Variants in JAZF1 observed in about 807,000 individuals in gnomAD.
The protein encoded by JAZF1 is JAZF zinc finger 1.
A neutral mutation model predicts 26.4 loss-of-function variants in JAZF1; 8 were observed. The observed-to-expected ratio is 0.30, with a 90% CI of 0.18 to 0.55. The LOEUF (loss-of-function observed/expected upper bound fraction) is 0.55. Ranked by LOEUF, JAZF1 falls within the 20% of genes least tolerant of loss-of-function variation. JAZF1 has a pLI of 0.94. For missense variants in JAZF1, 199 were observed against 322.0 expected (o/e 0.62, Z 2.92); for synonymous variants, 126 against 122.3 (o/e 1.03, Z -0.20).
chr7:28,082,883 A>T (rs184718403), intron 1 of JAZF1, among the ~76,000 whole-genome samples: 49 of 152,264 alleles, frequency 3.2e-4, no homozygotes, highest in South Asian at 6.2e-4. Flanking sequence ...GCTGACCTGG[A>T]CACCTCATTC....
At chr7:27,991,203 A>G (rs1389956944) in intron 2 of JAZF1, among the ~76,000 whole-genome samples, 3 of 152,172 alleles carry the variant, frequency 2.0e-5, no homozygotes, top group African/African-American at 7.2e-5. Context: ...TTATGAGCAG[A>G]GAGTTTCTCA....
chr7:27,895,901 T>G (rs983106459), intron 2 of JAZF1, among the ~76,000 whole-genome samples: 8 of 152,188 alleles, frequency 5.3e-5, no homozygotes, highest in African/African-American at 1.9e-4. Flanking sequence ...TTAAATTTTT[T>G]GGTATTACTT....
At chr7:28,080,071 T>A (rs746160324) in intron 1 of JAZF1, among the ~76,000 whole-genome samples, 1 of 152,266 alleles carries the variant, frequency 6.6e-6, no homozygotes, top group African/African-American at 2.4e-5. Context: ...AAAAATACTT[T>A]GTAAAAATGC....
chr7:28,155,533 G>C (rs1783169583), intron 1 of JAZF1, among the ~76,000 whole-genome samples: 1 of 152,184 alleles, frequency 6.6e-6, no homozygotes, highest in Admixed American at 6.5e-5. Flanking sequence ...GAAATTCAGA[G>C]GGGAAATGAG....
chr7:28,128,764 A>G (rs964982712), intron 1 of JAZF1, among the ~76,000 whole-genome samples: 5 of 152,200 alleles, frequency 3.3e-5, no homozygotes, highest in Admixed American at 1.3e-4. Context: ...AATTATTTCA[A>G]TCAACAGGAA....
intron 1 of JAZF1, among the ~76,000 whole-genome samples, chr7:28,071,919 G>A (rs1417575962): frequency 6.6e-6 from 1 of 152,152 alleles, no homozygotes; most frequent in Admixed American, 6.5e-5. Flanking sequence ...CAATACAAAA[G>A]AGCTCATTTT....
intron 1 of JAZF1, among the ~76,000 whole-genome samples, chr7:28,112,385 T>A (rs1784674924): frequency 6.6e-6 from 1 of 152,246 alleles, no homozygotes; most frequent in South Asian, 2.1e-4. Context: ...CATTTTCTTT[T>A]TATTTTGAAT....
intron 1 of JAZF1, among the ~76,000 whole-genome samples, chr7:28,039,526 G>A (rs1783354074): frequency 6.6e-6 from 1 of 152,122 alleles, no homozygotes; most frequent in Admixed American, 6.5e-5. Flanking sequence ...CTGACTTACT[G>A]AGATATATGA....
chr7:28,027,461 A>G (rs1013536233), intron 1 of JAZF1, among the ~76,000 whole-genome samples: 4 of 152,206 alleles, frequency 2.6e-5, no homozygotes, highest in Admixed American at 2.0e-4. Flanking sequence ...CAAAATAAAG[A>G]GTTACCATTG....
At chr7:27,921,774 G>A (rs578152618) in intron 2 of JAZF1, among the ~76,000 whole-genome samples, 3 of 152,318 alleles carry the variant, frequency 2.0e-5, no homozygotes, top group East Asian at 3.9e-4. Context: ...GCTCAAGCCT[G>A]CAATCCCAGT....
rs148347331 is a variant in JAZF1 at position 28,014,037 on chromosome 7, C to T, written c.116-22056G>A. ...AACCCATGGCTGCTAGTTAAATCAA[C>T]TGAGGCAGTGGATTCTACAGCTGTA... On this transcript the variant is annotated intron_variant, in intron 1 of 4. Transcript: ENST00000283928. 2.1e-5 allele frequency among the ~76,000 whole-genome samples: 3 copies of T among 144,808 alleles called. No individual in the cohort carries two copies. The East Asian group carries it at 6.2e-4, about 30-fold the overall frequency. The allele number at this position is 144,808 out of a possible 152,430, so 95.0% of individuals were successfully genotyped here.
At chr7:27,953,917 G>A (rs1232257066) in intron 2 of JAZF1, among the ~76,000 whole-genome samples, 2 of 152,182 alleles carry the variant, frequency 1.3e-5, no homozygotes, top group African/African-American at 4.8e-5. Flanking sequence ...CACAGTGACA[G>A]TATTCACACT....
chr7:27,964,257 A>C (rs1268182259), intron 2 of JAZF1, among the ~76,000 whole-genome samples: 1 of 152,034 alleles, frequency 6.6e-6, no homozygotes, highest in Non-Finnish European at 1.5e-5. Flanking sequence ...AAAGGGAAAA[A>C]GATCCATTAG....
At chr7:28,003,992 C>A (rs77657811) in intron 1 of JAZF1, among the ~76,000 whole-genome samples, 1 of 152,268 alleles carries the variant, frequency 6.6e-6, no homozygotes, top group African/African-American at 2.4e-5. Context: ...TGAAGGTCCT[C>A]CTGCCTGCCC....
At chr7:28,062,884 T>G (rs550438209) in intron 1 of JAZF1, among the ~76,000 whole-genome samples, 2 of 152,204 alleles carry the variant, frequency 1.3e-5, no homozygotes, top group Non-Finnish European at 2.9e-5. Flanking sequence ...TTAATTCTCA[T>G]TTCTGAATTC....
At chr7:28,067,247 T>C (rs1783898349) in intron 1 of JAZF1, among the ~76,000 whole-genome samples, 1 of 152,204 alleles carries the variant, frequency 6.6e-6, no homozygotes, top group South Asian at 2.1e-4. Context: ...TCAGTGAACA[T>C]GTTTCCTTGC....
intron 3 of JAZF1, among the ~76,000 whole-genome samples, chr7:27,873,209 G>T (rs1175794783): frequency 6.6e-6 from 1 of 152,082 alleles, no homozygotes; most frequent in Non-Finnish European, 1.5e-5. Context: ...TTCCACCCAG[G>T]CTAATGAAAT....
intron 3 of JAZF1, among the ~76,000 whole-genome samples, chr7:27,848,724 T>C (rs944905745): frequency 6.6e-6 from 1 of 152,230 alleles, no homozygotes; most frequent in Non-Finnish European, 1.5e-5. Context: ...AATGTGTACA[T>C]GTCATGGCAG....
chr7:28,067,828 C>T (rs991422494), intron 1 of JAZF1, among the ~76,000 whole-genome samples: 5 of 152,118 alleles, frequency 3.3e-5, no homozygotes, highest in African/African-American at 7.2e-5. Context: ...TAATCAGTGC[C>T]GAGGCGAGGA....
Sources: gnomAD v4.1 joint callset for allele counts (sites outside exome capture counted in the v4.1 genomes callset) on GRCh38, gnomAD v4.1.1 for gene constraint, MANE v1.5 for transcripts, NCBI Gene and HGNC (gene_info 2026-07-23, HGNC 2026-07-21) for gene names.